The following PDE10A variants were observed in gnomAD, a reference collection of about 807,000 sequenced individuals.
PDE10A encodes phosphodiesterase 10A, also known as cAMP and cAMP-inhibited cGMP 3',5'-cyclic phosphodiesterase 10A.
In PDE10A, 39 loss-of-function variants were observed where a neutral mutation model predicts 97.7. That is an observed-to-expected ratio of 0.40 (90% CI 0.31 to 0.52). The LOEUF is 0.52. PDE10A is among the 20% of genes least tolerant of loss of function. The pLI is 0.56. For synonymous variants in PDE10A, 371 were observed against 376.8 expected (o/e 0.98, Z 0.18); for missense variants, 731 against 1,047.8 (o/e 0.70, Z 4.17).
intron 1 of PDE10A, among the ~76,000 whole-genome samples, chr6:165,805,887 A>G (rs899896775): frequency 3.9e-5 from 6 of 151,966 alleles, no homozygotes; most frequent in African/African-American, 1.5e-4. Context: ...CAGAGTGCAC[A>G]CGACGCCATC....
At chr6:165,679,914 A>G (rs968171660) in intron 1 of PDE10A, among the ~76,000 whole-genome samples, 3 of 151,768 alleles carry the variant, frequency 2.0e-5, no homozygotes, top group African/African-American at 7.3e-5. Flanking sequence ...GGTGCTGTTG[A>G]GTACTCTGGG....
chr6:165,782,757 A>G (rs1359146079), intron 1 of PDE10A, among the ~76,000 whole-genome samples: 4 of 152,226 alleles, frequency 2.6e-5, no homozygotes, highest in Non-Finnish European at 5.9e-5. Flanking sequence ...GGACGTACTT[A>G]CCCATCCAGC....
At chr6:165,552,553 G>C (rs989186546) in intron 1 of PDE10A, among the ~76,000 whole-genome samples, 2 of 152,172 alleles carry the variant, frequency 1.3e-5, no homozygotes, top group African/African-American at 4.8e-5. Flanking sequence ...TAAGAAAACT[G>C]GGAATTGAGT....
chr6:165,729,187 G>C (rs1792365708), intron 1 of PDE10A, among the ~76,000 whole-genome samples: 1 of 148,848 alleles, frequency 6.7e-6, no homozygotes, highest in South Asian at 2.2e-4. Flanking sequence ...GGGTGACAGA[G>C]GGAGACTCCA....
intron 3 of PDE10A, among the ~76,000 whole-genome samples, chr6:165,465,633 A>G (rs548387510): frequency 7.7e-4 from 118 of 152,324 alleles, no homozygotes; most frequent in Non-Finnish European, 1.1e-3. Context: ...ACTTACAATC[A>G]TAGTGGAAGG....
intron 5 of PDE10A, among the ~76,000 whole-genome samples, chr6:165,443,469 A>G (rs1157171453): frequency 6.6e-6 from 1 of 152,006 alleles, no homozygotes; most frequent in Non-Finnish European, 1.5e-5. Flanking sequence ...GGCTGCTTTC[A>G]TGGGCTGGTG....
chr6:165,520,453 G>A (rs567433439), intron 2 of PDE10A, among the ~76,000 whole-genome samples: 1 of 152,242 alleles, frequency 6.6e-6, no homozygotes, highest in South Asian at 2.1e-4. Flanking sequence ...GTGCTTGACA[G>A]TTTGAACAAA....
intron 1 of PDE10A, chr6:165,774,844 T>C (rs1178329276): frequency 2.1e-4 from 32 of 149,240 alleles, no homozygotes; most frequent in Admixed American, 1.9e-3. Flanking sequence ...TTTTTTTTTT[T>C]TTTTTTAGTT....
rs138260154 is a variant in PDE10A, at chr6:165,902,973, G to A, written c.-615+84556C>T. Among the ~76,000 whole-genome samples, 7 of 152,330 alleles carry A rather than the reference G, an allele frequency of 4.6e-5. No individual in the cohort carries two copies. In the East Asian group the frequency reaches 9.6e-4, roughly 21 times the overall value. Reference sequence around the variant, plus strand: ...TGAGCCTTTTATATGTGGCCTATTTGTTACAGCAGCCGGCATTACTGTTAC... The same window carrying A: ...TGAGCCTTTTATATGTGGCCTATTTATTACAGCAGCCGGCATTACTGTTAC... On this transcript the variant is annotated intron_variant, in intron 1 of 19. Coordinates refer to the PDE10A transcript ENST00000366882.
Position 165,671,713 on chromosome 6 carries a change from T to C in PDE10A, c.-614-128145A>G, listed in dbSNP as rs908940296. Among the ~76,000 whole-genome samples the C allele has an allele frequency of 7.9e-5, 12 of 151,732 alleles. No individual in the cohort carries two copies. Among genetic ancestry groups the C allele is most frequent in the South Asian group, 6.2e-4 (3 of 4,806 alleles). On this transcript the variant is annotated intron_variant, in intron 1 of 19. Transcript: ENST00000366882. This position sits in a 1 kb window ranked among gnomAD's most constrained non-coding sequence, Gnocchi z 4.6. ...TAGATATCACACACACACACACACA[T>C]ATATATAGTGTGCTTTATATCATAT...
At chr6:165,520,678 T>A (rs1782076708) in intron 2 of PDE10A, among the ~76,000 whole-genome samples, 1 of 152,172 alleles carries the variant, frequency 6.6e-6, no homozygotes, top group Non-Finnish European at 1.5e-5. Context: ...GGCCCTTTAA[T>A]CACTTAAAAT....
chr6:165,839,129 T>C (rs1780144783), intron 1 of PDE10A, among the ~76,000 whole-genome samples: 1 of 152,250 alleles, frequency 6.6e-6, no homozygotes, highest in Admixed American at 6.5e-5. Flanking sequence ...CCAAACTCTA[T>C]CACTAACTTA....
chr6:165,353,387 T>A (rs1782821419), intron 18 of PDE10A, among the ~76,000 whole-genome samples: 1 of 152,302 alleles, frequency 6.6e-6, no homozygotes, highest in Non-Finnish European at 1.5e-5. Context: ...CCTTAATACT[T>A]ACCCAGAGGA....
At chr6:165,540,582 A>G (rs1783372262) in intron 2 of PDE10A, among the ~76,000 whole-genome samples, 1 of 152,166 alleles carries the variant, frequency 6.6e-6, no homozygotes, top group South Asian at 2.1e-4. Context: ...TTCTTCCTCA[A>G]AAAGTTTTCG....
intron 1 of PDE10A, among the ~76,000 whole-genome samples, chr6:165,784,886 G>A (rs892530639): frequency 6.6e-6 from 1 of 152,212 alleles, no homozygotes; most frequent in African/African-American, 2.4e-5. Context: ...GGGAGTTGGG[G>A]CTGAGACTTT....
chr6:165,335,957 C>T (rs1199616162), intron 21 of PDE10A, among the ~76,000 whole-genome samples, 166 bp downstream of exon 21: 2 of 152,176 alleles, frequency 1.3e-5, no homozygotes, highest in Non-Finnish European at 2.9e-5. Flanking sequence ...GGGGAGAAGT[C>T]GTGGCCCTGG....
At chr6:165,891,490 G>C (rs1781793896) in intron 1 of PDE10A, among the ~76,000 whole-genome samples, 1 of 152,126 alleles carries the variant, frequency 6.6e-6, no homozygotes, top group African/African-American at 2.4e-5. Flanking sequence ...CAGCGTCCTG[G>C]AAACCTCATG....
upstream of PDE10A, among the ~76,000 whole-genome samples, chr6:165,664,184 T>C (rs1790435762): frequency 6.6e-6 from 1 of 152,066 alleles, no homozygotes; most frequent in South Asian, 2.1e-4. Flanking sequence ...AGGCGTGCGC[T>C]ACAGTGCAGC....
chr6:165,659,737 C>T (rs1344326992), intron 1 of PDE10A, among the ~76,000 whole-genome samples: 1 of 152,226 alleles, frequency 6.6e-6, no homozygotes, highest in East Asian at 1.9e-4. Flanking sequence ...GATGCACCAG[C>T]TTCTCCTAGC....
Sources: gnomAD v4.1 joint callset for allele counts (sites outside exome capture counted in the v4.1 genomes callset) on GRCh38, gnomAD v4.1.1 for gene constraint, Gnocchi (gnomAD v3.1) non-coding constraint, MANE v1.5 for transcripts, NCBI Gene and HGNC (gene_info 2026-07-23, HGNC 2026-07-21) for gene names.